ACACA: variants seen among roughly 807,000 people sequenced by gnomAD.
ACACA encodes the protein acetyl-CoA carboxylase alpha, also known as acetyl-CoA carboxylase 1.
Under a neutral mutation model 296.1 loss-of-function variants are expected in ACACA, and 103 were observed. That is an observed-to-expected ratio of 0.35 (90% CI 0.30 to 0.41). The LOEUF is 0.41. Among genes scored for constraint, ACACA ranks in the 10% least tolerant of loss-of-function variants. The probability of loss-of-function intolerance (pLI) is 1.00; values close to 1 mark genes in which losing one functional copy is unlikely to be tolerated. For synonymous variants in ACACA, 953 were observed against 1,038.6 expected, an observed-to-expected ratio of 0.92 and a Z score of 1.58; for missense variants, 1,554 against 2,989.7, an observed-to-expected ratio of 0.52 and a Z score of 11.20.
At chr17:37,214,440 A>G (rs2078896168) in intron 29 of ACACA, among the ~76,000 whole-genome samples, 1 of 152,196 alleles carries the variant, frequency 6.6e-6, no homozygotes. Context: ...AAACAAGTAC[A>G]TCAACAGAGC....
intron 3 of ACACA, among the ~76,000 whole-genome samples, chr17:37,324,373 A>G (rs1397483240): frequency 1.3e-5 from 2 of 150,622 alleles, no homozygotes; most frequent in African/African-American, 4.9e-5. Context: ...TCTCAAAAAA[A>G]TTAATAAATA....
intron 1 of ACACA, chr17:37,378,070 C>A: frequency 9.3e-7 from 1 of 1,075,072 alleles, no homozygotes; most frequent in South Asian, 1.4e-5. Flanking sequence ...CTCAAATATC[C>A]TATTTTAAGG....
intron 1 of ACACA, among the ~76,000 whole-genome samples, chr17:37,402,724 G>A (rs982032063): frequency 6.6e-6 from 1 of 151,896 alleles, no homozygotes; most frequent in Non-Finnish European, 1.5e-5. Flanking sequence ...CCAGGCTGGA[G>A]TACAGCGGCA....
chr17:37,299,319 G>T (rs1228784903), intron 3 of ACACA: 1 of 1,613,758 alleles, frequency 6.2e-7, no homozygotes, highest in Non-Finnish European at 8.5e-7. Flanking sequence ...ATTTTCCTCT[G>T]GAGAACCCTC....
intron 52 of ACACA, among the ~76,000 whole-genome samples, chr17:37,099,995 ATATT>A (rs1050705516): frequency 6.6e-6 from 1 of 152,176 alleles, no homozygotes; most frequent in Non-Finnish European, 1.5e-5. Context: ...ATAAATAATG[ATATT>A]TATTAACAGA....
Position 37,085,780 on chromosome 17 carries a change from C to T in ACACA, c.*1536G>A, listed in dbSNP as rs550891438. The T allele has an allele frequency of 3.0e-4, 118 of 399,158 alleles. No homozygotes were observed. The East Asian group carries it at 3.2e-3, about 11-fold the overall frequency. The allele number at this position is 399,158 out of a possible 1,614,324, so 24.7% of individuals were successfully genotyped here. On this transcript the variant is annotated 3_prime_UTR_variant, in exon 56 of 56. Transcript: ENST00000616317. ...CTCCTGAAGAAGGGGAGGTGGAGCT[C>T]GTTCTTGTGTGCAAACTACAGGGTT...
chr17:37,207,821 G>A (rs770373681), intron 30 of ACACA, 21 bp from the exon 31 acceptor site: 25 of 1,612,732 alleles, frequency 1.6e-5, no homozygotes, highest in Admixed American at 3.3e-5. Flanking sequence ...ATTCAATCAC[G>A]TTCATTAGAC....
intron 14 of ACACA, among the ~76,000 whole-genome samples, chr17:37,257,472 G>GA (rs765641418): frequency 2.6e-4 from 39 of 152,134 alleles, no homozygotes; most frequent in Middle Eastern, 3.4e-3. Context: ...TATTTGAAAG[G>GA]AAAAATACTT....
chr17:37,166,975 T>C (rs561793166), intron 41 of ACACA, among the ~76,000 whole-genome samples: 73 of 152,202 alleles, frequency 4.8e-4, no homozygotes, highest in Admixed American at 4.3e-3. Context: ...GATGGAGTCT[T>C]GCTCCGTCAC....
intron 30 of ACACA, among the ~76,000 whole-genome samples, chr17:37,209,443 C>G (rs577143730): frequency 8.5e-5 from 13 of 152,284 alleles, no homozygotes; most frequent in African/African-American, 3.1e-4. Context: ...GGTTAAGTAG[C>G]TTTTTCACTC....
At chr17:37,089,109 G>A (rs1348707870) in intron 54 of ACACA, 35 bp from the exon 55 acceptor site, 1 of 1,614,018 alleles carries the variant, frequency 6.2e-7, no homozygotes, top group Admixed American at 1.7e-5. Context: ...AACACCAGGG[G>A]TCAGGCCAGG....
intron 24 of ACACA, among the ~76,000 whole-genome samples, chr17:37,238,770 C>T (rs184873453): frequency 1.3e-5 from 2 of 152,200 alleles, no homozygotes; most frequent in East Asian, 1.9e-4. Flanking sequence ...GAGGCTTGCA[C>T]ATTTTTTGTT....
At chr17:37,089,894 T>C (rs1357932493) in intron 54 of ACACA, among the ~76,000 whole-genome samples, 1 of 152,238 alleles carries the variant, frequency 6.6e-6, no homozygotes, top group Non-Finnish European at 1.5e-5. Context: ...GTTTTGTTAA[T>C]GGTTTCCGGA....
chr17:37,308,651 C>T (rs1567975280), intron 3 of ACACA, among the ~76,000 whole-genome samples: 2 of 152,102 alleles, frequency 1.3e-5, no homozygotes, highest in African/African-American at 4.8e-5. Context: ...AATTTAAAAA[C>T]TACTAGCCAG....
chr17:37,288,699 A>G (rs1219415182), intron 3 of ACACA, among the ~76,000 whole-genome samples: 3 of 152,080 alleles, frequency 2.0e-5, no homozygotes, highest in African/African-American at 7.2e-5. Context: ...GGAGTTCAAG[A>G]CCAGCCTGGG....
intron 7 of ACACA, 121 bp from the exon 8 acceptor site, chr17:37,276,170 T>C: frequency 1.3e-6 from 1 of 746,422 alleles, no homozygotes; most frequent in Non-Finnish European, 2.4e-6. Flanking sequence ...ACCCCTCACA[T>C]ATCAAGGAGA....
chr17:37,355,300 G>A (rs973002344), intron 1 of ACACA, among the ~76,000 whole-genome samples: 5 of 151,804 alleles, frequency 3.3e-5, no homozygotes, highest in Non-Finnish European at 7.4e-5. Context: ...GCTCACACCT[G>A]TAATCCCAGC....
Position 37,226,447 on chromosome 17 carries a change from C to G in ACACA, c.3252G>C (p.Gln1084His). The G allele has an allele frequency of 1.2e-6, 2 of 1,612,728 alleles. No individual in the cohort carries two copies. The highest frequency in any genetic ancestry group is 1.7e-6 in the Non-Finnish European group (2 of 1,178,790). ...TGAGAGTAGGGTCCCGGCCACACAA[C>G]TGATCCTAATTGTTAATGTAAAAAA... ...KNLLVTMLID[Q>H]LCGRDPTLTD... is the part of the protein sequence containing the mutation. Residue 1084 changes from glutamine (Q) to histidine (H), a missense_variant, in exon 26 of 56, where the codon CAG becomes CAC. Physicochemically the swap from Gln to His is conservative, Grantham distance 24. This residue lies in a region of ACACA where 316 missense variants were observed against 540.9 expected (regional missense o/e 0.58). Coordinates refer to ENST00000616317, the MANE Select transcript of ACACA (RefSeq NM_198834.3).
At chr17:37,243,828 G>A (rs2080545294) in intron 21 of ACACA, among the ~76,000 whole-genome samples, 2 of 152,264 alleles carry the variant, frequency 1.3e-5, no homozygotes, top group Non-Finnish European at 2.9e-5. Context: ...TATTGTTCAA[G>A]AGTCAACTAT....
Sources: allele counts gnomAD v4.1 joint callset (sites outside exome capture counted in the v4.1 genomes callset), GRCh38; gene constraint gnomAD v4.1.1; regional missense constraint gnomAD v4.1.1; transcripts MANE v1.5; gene names NCBI Gene and HGNC (gene_info 2026-07-23, HGNC 2026-07-21).